Variants in NFIB observed in about 807,000 individuals in gnomAD.
The protein encoded by NFIB is nuclear factor I B, also known as nuclear factor 1 B-type.
A neutral mutation model predicts 61.5 loss-of-function variants in NFIB; 11 were observed. The observed-to-expected ratio is 0.18, with a 90% confidence interval of 0.11 to 0.30. The LOEUF (loss-of-function observed/expected upper bound fraction) is 0.30. NFIB is among the 10% of genes least tolerant of loss of function. The pLI, the probability that NFIB is intolerant of heterozygous loss-of-function variation, is 1.00. For missense variants in NFIB, 471 were observed against 608.9 expected (o/e 0.77, Z 2.38); for synonymous variants, 260 against 216.5 (o/e 1.20, Z -1.76).
At chr9:14,495,446 CTTTTTTTT>C in the NFIB span, among the ~76,000 whole-genome samples, 1 of 117,264 alleles carries the variant, frequency 8.5e-6, no homozygotes, top group African/African-American at 3.8e-5. Flanking sequence ...GAGAAATGAA[CTTTTTTTT>C]TTTTTTTTTT....
chr9:14,329,754 C>T (rs1472359034), intron 1 of NFIB, among the ~76,000 whole-genome samples: 1 of 151,346 alleles, frequency 6.6e-6, no homozygotes, highest in Non-Finnish European at 1.5e-5. Flanking sequence ...ACCTCATGAT[C>T]CACCCGCCTC....
chr9:14,415,989 A>C, the NFIB span, among the ~76,000 whole-genome samples: 3 of 152,240 alleles, frequency 2.0e-5, no homozygotes, highest in Admixed American at 2.0e-4. Context: ...TTAAGACACC[A>C]TCCGACTAGT....
intron 10 of NFIB, among the ~76,000 whole-genome samples, chr9:14,109,508 T>C (rs1279978386): frequency 2.0e-5 from 3 of 152,038 alleles, no homozygotes; most frequent in Non-Finnish European, 2.9e-5. Context: ...ACCCATGAGT[T>C]CTTCAAGCCA....
chr9:14,528,253 C>G, the NFIB span, among the ~76,000 whole-genome samples: 1 of 152,086 alleles, frequency 6.6e-6, no homozygotes, highest in South Asian at 2.1e-4. Context: ...ATTAAAACAG[C>G]CTAGCAAACA....
At chr9:14,375,464 T>G (rs1329636605) in intron 1 of NFIB, among the ~76,000 whole-genome samples, 1 of 152,144 alleles carries the variant, frequency 6.6e-6, no homozygotes, top group African/African-American at 2.4e-5. Flanking sequence ...GAGACCAGCC[T>G]GACCAACATG....
At chr9:14,128,192 A>T (rs1329366197) in intron 6 of NFIB, among the ~76,000 whole-genome samples, 1 of 152,154 alleles carries the variant, frequency 6.6e-6, no homozygotes, top group Non-Finnish European at 1.5e-5. Context: ...AAGAACCTCT[A>T]TTCTGTCTTT....
Position 14,150,039 on chromosome 9 carries a change from T to A in NFIB, c.806+106A>T, listed in dbSNP as rs946895607. The A allele has an allele frequency of 3.4e-6, 5 of 1,477,982 alleles. No homozygotes were observed. In the African/African-American group the frequency reaches 5.7e-5, roughly 17 times the overall value. The allele number at this position is 1,477,982 out of a possible 1,614,324, so 91.6% of individuals were successfully genotyped here. The stretch of plus-strand genomic sequence containing the variant: ...AAAATCTGTGTACTACCAGCAAAAA[T>A]TATTTCCCATCTCTCTTTACCTACC... On this transcript the variant is annotated intron_variant, in intron 5 of 10. Transcript: ENST00000380953.
At chr9:14,447,046 A>C in the NFIB span, among the ~76,000 whole-genome samples, 1 of 152,188 alleles carries the variant, frequency 6.6e-6, no homozygotes, top group Non-Finnish European at 1.5e-5. Flanking sequence ...AAACCAACAC[A>C]GAAATTCCTT....
intron 2 of NFIB, chr9:14,305,689 A>C (rs2059980972): frequency 5.0e-6 from 1 of 200,978 alleles, no homozygotes. Context: ...CAAAGCTACA[A>C]GAAAATCAAG....
chr9:14,511,004 C>A, the NFIB span, among the ~76,000 whole-genome samples: 312 of 152,294 alleles, frequency 2.0e-3, 3 homozygotes, highest in African/African-American at 7.1e-3. Context: ...TTGTGTCCCA[C>A]ATTAGGGATG....
chr9:14,369,591 C>G (rs1465590829), intron 1 of NFIB, among the ~76,000 whole-genome samples: 1 of 152,160 alleles, frequency 6.6e-6, no homozygotes, highest in Non-Finnish European at 1.5e-5. Flanking sequence ...CACACACCCT[C>G]CCAAAGCTCT....
chr9:14,314,143 C>G, upstream of NFIB: 1 of 942,166 alleles, frequency 1.1e-6, no homozygotes, highest in Non-Finnish European at 1.2e-6. Context: ...AGCGAGTGCG[C>G]GCGGGTGGCG....
chr9:14,193,932 A>C (rs998017105), intron 2 of NFIB, among the ~76,000 whole-genome samples: 22 of 152,122 alleles, frequency 1.4e-4, no homozygotes, highest in Admixed American at 5.2e-4. Context: ...CACCCTATGC[A>C]ATGTCCCTCT....
At chr9:14,202,405 C>T (rs79077089) in intron 2 of NFIB, among the ~76,000 whole-genome samples, 8,567 of 152,210 alleles carry the variant, frequency 0.056, 470 homozygotes, top group East Asian at 0.16. Context: ...AAGGGGTCTA[C>T]TGACTAGTTC....
intron 1 of NFIB, among the ~76,000 whole-genome samples, chr9:14,384,186 A>C (rs979457789): frequency 4.6e-5 from 7 of 152,174 alleles, no homozygotes; most frequent in African/African-American, 1.4e-4. Flanking sequence ...CCGAAATCTC[A>C]TCTTTCTCGC....
At chr9:14,522,904 A>G in the NFIB span, among the ~76,000 whole-genome samples, 1 of 152,136 alleles carries the variant, frequency 6.6e-6, no homozygotes, top group Non-Finnish European at 1.5e-5. Context: ...TAGAAGGGAG[A>G]ATGGTGCTCC....
chr9:14,514,262 C>T, the NFIB span, among the ~76,000 whole-genome samples: 2 of 151,722 alleles, frequency 1.3e-5, no homozygotes, highest in Admixed American at 1.3e-4. Context: ...TACTGTGATA[C>T]TCTACTGAAA....
chr9:14,304,224 G>A (rs1352474187), intron 2 of NFIB, among the ~76,000 whole-genome samples: 1 of 152,146 alleles, frequency 6.6e-6, no homozygotes, highest in Non-Finnish European at 1.5e-5. Context: ...TGAGGCTGCT[G>A]GGCATGAAGA....
the NFIB span, among the ~76,000 whole-genome samples, chr9:14,413,585 G>A: frequency 2.6e-5 from 4 of 152,004 alleles, no homozygotes. Context: ...AAAACATGTT[G>A]GCAGAATCTG....
Sources: gnomAD v4.1 joint callset for allele counts (sites outside exome capture counted in the v4.1 genomes callset) on GRCh38, gnomAD v4.1.1 for gene constraint, MANE v1.5 for transcripts, NCBI Gene and HGNC (gene_info 2026-07-23, HGNC 2026-07-21) for gene names.